The following MDGA2 variants were observed in gnomAD, a reference collection of about 807,000 sequenced individuals.
MDGA2 encodes the protein MAM domain containing glycosylphosphatidylinositol anchor 2.
MDGA2 carries 40 observed loss-of-function variants against 117.8 expected under a neutral mutation model. The ratio of observed to expected loss-of-function variants is 0.34; its 90% CI spans 0.26 to 0.44. The LOEUF is 0.44. Among genes scored for constraint, MDGA2 ranks in the 20% least tolerant of loss-of-function variants. The pLI, the probability that MDGA2 is intolerant of heterozygous loss-of-function variation, is 1.00. For synonymous variants in MDGA2, 452 were observed against 439.0 expected (o/e 1.03, Z -0.37); for missense variants, 1,123 against 1,250.6 (o/e 0.90, Z 1.54).
At chr14:46,964,931 T>A (rs971263307) in intron 8 of MDGA2, among the ~76,000 whole-genome samples, 4 of 123,376 alleles carry the variant, frequency 3.2e-5, no homozygotes, top group Admixed American at 1.7e-4. Context: ...TTTTTTTTTT[T>A]TTTTTTTTTT....
At chr14:47,540,040 A>T (rs926568435) in intron 1 of MDGA2, among the ~76,000 whole-genome samples, 24 of 151,870 alleles carry the variant, frequency 1.6e-4, no homozygotes, top group Non-Finnish European at 3.1e-4. Context: ...TTTGAGACGG[A>T]GTCTCGCTGC....
chr14:47,050,496 T>C (rs1466321195), intron 7 of MDGA2, among the ~76,000 whole-genome samples: 1 of 152,056 alleles, frequency 6.6e-6, no homozygotes, highest in East Asian at 1.9e-4. Context: ...TTACAATTTA[T>C]GCATTTTTCT....
At chr14:47,387,645 G>C (rs1417449572) in intron 1 of MDGA2, among the ~76,000 whole-genome samples, 1 of 152,146 alleles carries the variant, frequency 6.6e-6, no homozygotes, top group African/African-American at 2.4e-5. Flanking sequence ...TGAAACATTT[G>C]AGGCAGAAAA....
At chr14:46,943,286 C>A (rs763573194) in intron 9 of MDGA2, among the ~76,000 whole-genome samples, 1 of 151,854 alleles carries the variant, frequency 6.6e-6, no homozygotes, top group African/African-American at 2.4e-5. Flanking sequence ...ATTTGAAGTG[C>A]GTTTTTGGTA....
At chr14:47,363,363 T>C (rs906636303) in intron 1 of MDGA2, among the ~76,000 whole-genome samples, 2 of 152,148 alleles carry the variant, frequency 1.3e-5, no homozygotes, top group Admixed American at 1.3e-4. Flanking sequence ...GTTCAAGCAA[T>C]TCTCCTGCCT....
chr14:47,637,404 A>T (rs1897343379), intron 1 of MDGA2, among the ~76,000 whole-genome samples: 2 of 152,250 alleles, frequency 1.3e-5, no homozygotes, highest in Admixed American at 1.3e-4. Context: ...CCGCATAAAT[A>T]TAAGAAAATG....
intron 3 of MDGA2, among the ~76,000 whole-genome samples, chr14:47,184,922 C>A: frequency 6.7e-6 from 1 of 149,258 alleles, no homozygotes; most frequent in Non-Finnish European, 1.5e-5. Flanking sequence ...AATTTAAAAC[C>A]CATTAAAAGA....
intron 9 of MDGA2, among the ~76,000 whole-genome samples, chr14:46,933,947 A>G (rs1192100514): frequency 3.3e-5 from 5 of 150,614 alleles, no homozygotes; most frequent in Admixed American, 1.3e-4. Context: ...AATCCTGGAT[A>G]CACTTTGCAA....
intron 4 of MDGA2, among the ~76,000 whole-genome samples, chr14:47,133,726 C>A (rs1284356404): frequency 6.6e-6 from 1 of 151,880 alleles, no homozygotes; most frequent in East Asian, 1.9e-4. Context: ...TCCTTTAAAC[C>A]TACTCCTCCT....
chr14:47,663,575 G>C (rs889288773), intron 1 of MDGA2, among the ~76,000 whole-genome samples: 32 of 152,182 alleles, frequency 2.1e-4, no homozygotes, highest in Non-Finnish European at 2.8e-4. Flanking sequence ...TTAGGTATGT[G>C]GCTGTTACAG....
Position 46,861,812 on chromosome 14 carries a change from AG to A in MDGA2, c.2753-6659del, listed in dbSNP as rs538028410. Reference sequence around the variant, plus strand: ...CAAATGATTTTGGAACTTTTCTCCCAGGAAGTTTCTAGTTCTTAAGTTTATA... The same window carrying A: ...CAAATGATTTTGGAACTTTTCTCCCAGAAGTTTCTAGTTCTTAAGTTTATA... On this transcript the variant is annotated intron_variant, in intron 14 of 16. Transcript: ENST00000399232. Among the ~76,000 whole-genome samples the A allele has an allele frequency of 1.3e-4, 20 of 152,116 alleles. 1 individual carries two copies. In the South Asian group the frequency reaches 4.1e-3, roughly 32 times the overall value.
intron 2 of MDGA2, among the ~76,000 whole-genome samples, chr14:47,237,669 T>A (rs1316317430): frequency 6.6e-6 from 1 of 152,188 alleles, no homozygotes; most frequent in African/African-American, 2.4e-5. Flanking sequence ...TATCCATGTA[T>A]ATGGCATGCA....
rs866766848 is a variant in MDGA2, at chr14:47,088,524, T to C, written c.1195+8330A>G. Among the ~76,000 whole-genome samples, 3 of 152,264 alleles carry C rather than the reference T, an allele frequency of 2.0e-5. No homozygotes were observed. The Middle Eastern group carries it at 0.01, about 518-fold the overall frequency. On this transcript the variant is annotated intron_variant, in intron 6 of 16. Coordinates refer to ENST00000399232, the MANE Select transcript of MDGA2 (RefSeq NM_001113498.3). ...ATTGATGAGTAAAAATTAAATTTGA[T>C]GAATCTAAATGCTTGGGAAGAACTA...
intron 1 of MDGA2, among the ~76,000 whole-genome samples, chr14:47,486,983 T>C (rs1160754074): frequency 6.6e-6 from 1 of 152,246 alleles, no homozygotes; most frequent in Admixed American, 6.5e-5. Flanking sequence ...ATCATTCTTA[T>C]GTATAAATAA....
intron 14 of MDGA2, among the ~76,000 whole-genome samples, chr14:46,861,168 C>T (rs1881491398): frequency 6.6e-6 from 1 of 151,716 alleles, no homozygotes; most frequent in Admixed American, 6.6e-5. Flanking sequence ...TCAAGAAATG[C>T]ACTTTTTAAA....
chr14:47,293,050 T>C (rs374333300), intron 2 of MDGA2, among the ~76,000 whole-genome samples: 4 of 152,270 alleles, frequency 2.6e-5, no homozygotes, highest in African/African-American at 4.8e-5. Flanking sequence ...CCTTGTTCTA[T>C]GGTAGCATCT....
chr14:47,423,925 C>A (rs1002070063), intron 1 of MDGA2, among the ~76,000 whole-genome samples: 1 of 152,134 alleles, frequency 6.6e-6, no homozygotes, highest in African/African-American at 2.4e-5. Context: ...GATTCCCCTG[C>A]CTCAGCCTCC....
chr14:47,466,203 A>G (rs1893600477), intron 1 of MDGA2, among the ~76,000 whole-genome samples: 1 of 152,044 alleles, frequency 6.6e-6, no homozygotes, highest in Admixed American at 6.6e-5. Context: ...GGAGCAGAAA[A>G]TATAACTATG....
chr14:47,516,753 C>T (rs1345744158), intron 1 of MDGA2, among the ~76,000 whole-genome samples: 1 of 152,104 alleles, frequency 6.6e-6, no homozygotes, highest in Non-Finnish European at 1.5e-5. Flanking sequence ...ACATCAGGAA[C>T]CTTTAGATCA....
Sources: allele counts gnomAD v4.1 joint callset (sites outside exome capture counted in the v4.1 genomes callset), GRCh38; gene constraint gnomAD v4.1.1; transcripts MANE v1.5; gene names NCBI Gene and HGNC (gene_info 2026-07-23, HGNC 2026-07-21).